Variants in CSGALNACT1 observed in about 807,000 individuals in gnomAD.
The protein encoded by CSGALNACT1 is chondroitin sulfate N-acetylgalactosaminyltransferase 1.
Under a neutral mutation model 51.0 loss-of-function variants are expected in CSGALNACT1, and 52 were observed. The ratio of observed to expected loss-of-function variants is 1.02; its 90% CI spans 0.82 to 1.29. CSGALNACT1 has a LOEUF of 1.29. CSGALNACT1 is among the 50% of genes most tolerant of loss of function. The pLI, the probability that CSGALNACT1 is intolerant of heterozygous loss-of-function variation, is 0.00. For synonymous variants in CSGALNACT1, 341 were observed against 254.4 expected (o/e 1.34, Z -3.24); for missense variants, 935 against 679.2 (o/e 1.38, Z -4.19).
At chr8:19,639,734 C>T (rs140675716) in intron 1 of CSGALNACT1, among the ~76,000 whole-genome samples, 125 of 152,232 alleles carry the variant, frequency 8.2e-4, no homozygotes, top group African/African-American at 2.0e-3. Context: ...CCATCCACAA[C>T]GTGCAACTGC....
At chr8:19,591,460 CT>C (rs2154133683) in intron 2 of CSGALNACT1, among the ~76,000 whole-genome samples, 1 of 152,262 alleles carries the variant, frequency 6.6e-6, no homozygotes, top group South Asian at 2.1e-4. Context: ...ACTTATAGTC[CT>C]TTTTGGGCGT....
rs528670599 is a variant in CSGALNACT1, at chr8:19,513,608, A to C, written c.-296-7478T>G. ...TTATGCCATTGCTTAATGAAAGAAA[A>C]ATGTTCTGAGAGATGCATCATCAGG... On this transcript the variant is annotated intron_variant, in intron 3 of 9. Coordinates refer to ENST00000454498, the Ensembl canonical transcript of CSGALNACT1. Among the ~76,000 whole-genome samples the C allele has an allele frequency of 3.3e-5, 5 of 152,040 alleles. No individual in the cohort carries two copies. In the East Asian group the frequency reaches 9.7e-4, roughly 29 times the overall value.
chr8:19,416,051 A>G (rs1466195827), intron 8 of CSGALNACT1, among the ~76,000 whole-genome samples: 1 of 152,018 alleles, frequency 6.6e-6, no homozygotes, highest in African/African-American at 2.4e-5. Context: ...AACAGGCTGC[A>G]TATGAGATGG....
chr8:19,479,207 G>C (rs993911448), intron 4 of CSGALNACT1, among the ~76,000 whole-genome samples: 1 of 152,196 alleles, frequency 6.6e-6, no homozygotes, highest in African/African-American at 2.4e-5. Flanking sequence ...CCAGGACACC[G>C]TCTCTTCCCT....
chr8:19,574,033 G>A (rs141760197), intron 3 of CSGALNACT1, among the ~76,000 whole-genome samples: 25 of 152,086 alleles, frequency 1.6e-4, no homozygotes, highest in African/African-American at 4.8e-4. Context: ...CAATCCTCCC[G>A]CCACAGCCTC....
At chr8:19,577,566 A>C (rs34400174) in intron 3 of CSGALNACT1, among the ~76,000 whole-genome samples, 4 of 113,804 alleles carry the variant, frequency 3.5e-5, no homozygotes, top group South Asian at 5.9e-4. Flanking sequence ...CTCAAAAAAA[A>C]AAAAAATTAA....
At chr8:19,414,648 C>G (rs1215100098) in intron 8 of CSGALNACT1, among the ~76,000 whole-genome samples, 1 of 152,088 alleles carries the variant, frequency 6.6e-6, no homozygotes. Context: ...CTTTTGTCTG[C>G]AGGCAAAACA....
At chr8:19,741,435 C>A (rs1352105456) in intron 1 of CSGALNACT1, among the ~76,000 whole-genome samples, 1 of 152,010 alleles carries the variant, frequency 6.6e-6, no homozygotes, top group East Asian at 1.9e-4. Flanking sequence ...TGGTGGCACA[C>A]ACCTGTAATT....
At chr8:19,512,483 A>G (rs903583907) in intron 3 of CSGALNACT1, among the ~76,000 whole-genome samples, 5 of 152,240 alleles carry the variant, frequency 3.3e-5, no homozygotes, top group African/African-American at 1.2e-4. Context: ...CAACAGATAG[A>G]TAACTAATTC....
chr8:19,542,940 A>G (rs1470290029), intron 3 of CSGALNACT1, among the ~76,000 whole-genome samples: 1 of 152,160 alleles, frequency 6.6e-6, no homozygotes, highest in Non-Finnish European at 1.5e-5. Flanking sequence ...CAATAATGAA[A>G]TATCAGAGAG....
At chr8:19,593,065 G>T (rs950633879) in intron 2 of CSGALNACT1, among the ~76,000 whole-genome samples, 1 of 152,190 alleles carries the variant, frequency 6.6e-6, no homozygotes, top group East Asian at 1.9e-4. Context: ...AATATTTTCA[G>T]TAAGTAAAAT....
At chr8:19,609,800 A>G (rs1309564534) in intron 1 of CSGALNACT1, among the ~76,000 whole-genome samples, 2 of 152,204 alleles carry the variant, frequency 1.3e-5, no homozygotes. Flanking sequence ...AACAAATCAA[A>G]TTGCCTGATT....
chr8:19,687,619 T>C (rs1366307880), intron 1 of CSGALNACT1, among the ~76,000 whole-genome samples: 1 of 152,218 alleles, frequency 6.6e-6, no homozygotes, highest in East Asian at 1.9e-4. Flanking sequence ...ATTCCTGAAA[T>C]ATCAACCATT....
At chr8:19,548,964 G>A (rs982884339) in intron 3 of CSGALNACT1, among the ~76,000 whole-genome samples, 13 of 151,902 alleles carry the variant, frequency 8.6e-5, no homozygotes, top group African/African-American at 3.1e-4. Context: ...GACTACAGGT[G>A]CATGCCACCA....
At chr8:19,587,285 G>C (rs74621113) in intron 3 of CSGALNACT1, among the ~76,000 whole-genome samples, 1 of 152,160 alleles carries the variant, frequency 6.6e-6, no homozygotes, top group Admixed American at 6.5e-5. Context: ...CCAAATCAAA[G>C]GTTCAGAAAC....
intron 1 of CSGALNACT1, among the ~76,000 whole-genome samples, chr8:19,666,877 GAA>G (rs1173593609): frequency 0.018 from 2,215 of 125,778 alleles, 132 homozygotes; most frequent in Non-Finnish European, 0.024. Flanking sequence ...AAGAAAGAAA[GAA>G]AGAAAGAGAG....
intron 4 of CSGALNACT1, among the ~76,000 whole-genome samples, chr8:19,500,782 T>C (rs1310023506): frequency 3.3e-5 from 5 of 152,288 alleles, no homozygotes; most frequent in African/African-American, 4.8e-5. Context: ...TCTTAGTCCA[T>C]TGTGTGCTGC....
intron 3 of CSGALNACT1, among the ~76,000 whole-genome samples, chr8:19,524,430 A>AT (rs1265637975): frequency 3.3e-5 from 5 of 151,766 alleles, no homozygotes; most frequent in African/African-American, 7.3e-5. Flanking sequence ...ACCATGCCTA[A>AT]TTTTTTTTTC....
chr8:19,667,048 A>G (rs148715050), intron 1 of CSGALNACT1, among the ~76,000 whole-genome samples: 7,757 of 83,282 alleles, frequency 0.093, 741 homozygotes, highest in Admixed American at 0.12. Context: ...AGGAAGAAAG[A>G]AAGAAAGAAA....
Sources: gnomAD v4.1 joint callset for allele counts (sites outside exome capture counted in the v4.1 genomes callset) on GRCh38, gnomAD v4.1.1 for gene constraint, MANE v1.5 for transcripts, NCBI Gene and HGNC (gene_info 2026-07-23, HGNC 2026-07-21) for gene names.